KANSL1L: variants seen among roughly 807,000 people sequenced by gnomAD.
The protein encoded by KANSL1L is KAT8 regulatory NSL complex subunit 1 like.
KANSL1L carries 25 observed loss-of-function variants against 108.6 expected under a neutral mutation model. The ratio of observed to expected loss-of-function variants is 0.23; its 90% CI spans 0.17 to 0.32. The LOEUF (loss-of-function observed/expected upper bound fraction) is 0.32. KANSL1L is among the 10% of genes least tolerant of loss of function. KANSL1L has a pLI of 1.00. For missense variants in KANSL1L, 1,137 were observed against 1,125.7 expected (o/e 1.01, Z -0.14); for synonymous variants, 405 against 395.1 (o/e 1.03, Z -0.30).
intron 6 of KANSL1L, among the ~76,000 whole-genome samples, chr2:210,062,687 C>T (rs1490835782): frequency 1.3e-5 from 2 of 152,026 alleles, no homozygotes; most frequent in East Asian, 3.9e-4. Flanking sequence ...GCATTTTGTC[C>T]CTGCCCTAGA....
Position 210,129,153 on chromosome 2 carries a change from T to C in KANSL1L, c.1108A>G (p.Lys370Glu). 3.1e-6 allele frequency: 5 copies of C among 1,613,806 alleles called. No individual in the cohort carries two copies. The highest frequency in any genetic ancestry group is 3.4e-6 in the Non-Finnish European group (4 of 1,179,794). The change falls in exon 3 of 15, where the codon AAG (lysine) becomes GAG (glutamate). Residue 370 changes from lysine to glutamate, a missense_variant. Lys to Glu is a moderately conservative substitution (Grantham distance 56). Around this residue, in one of 3 missense-constraint regions of KANSL1L, gnomAD observed 556 missense variants for 537.7 expected, o/e 1.03. Coordinates refer to ENST00000281772, the MANE Select transcript of KANSL1L (RefSeq NM_152519.4). ...ACTCGTGCTCTGTCTACAAGCCACT[T>C]CCATTCAGTACTACAGTTACTGTGA... ...NVAVNCSTEW[K>E]WLVDRARVGS...
At chr2:210,060,319 T>C (rs988081386) in intron 6 of KANSL1L, among the ~76,000 whole-genome samples, 4 of 152,180 alleles carry the variant, frequency 2.6e-5, no homozygotes, top group East Asian at 1.9e-4. Context: ...AAATCTGCCA[T>C]AGGAGACAGA....
rs562722426 is a variant in KANSL1L, at chr2:210,162,070, A to T, written c.-29-7459T>A. On this transcript the variant is annotated intron_variant, in intron 1 of 14. Coordinates refer to ENST00000281772, the MANE Select transcript of KANSL1L (RefSeq NM_152519.4). ...TGAGACCCTGTCTCTATTTAAAAAA[A>T]AAAAAAATATATATATATACACACA... Among the ~76,000 whole-genome samples the T allele has an allele frequency of 4.8e-3, 675 of 141,094 alleles. 3 individuals are homozygous for T. Among genetic ancestry groups the T allele is most frequent in the East Asian group, 0.014 (67 of 4,882 alleles). 92.6% of individuals were successfully genotyped at this position (141,094 alleles called of 152,430 possible). A position where few individuals can be genotyped will look rare whatever the true frequency, so the allele number is the denominator to read the frequency against.
chr2:210,067,851 T>A (rs1480019755), intron 6 of KANSL1L, among the ~76,000 whole-genome samples: 2 of 151,954 alleles, frequency 1.3e-5, no homozygotes, highest in Non-Finnish European at 1.5e-5. Context: ...TCTGTTCAAG[T>A]CTTATGCATA....
In KANSL1L at chr2:210,022,681, C is replaced by T. The variant is rs1575337287; in HGVS notation, c.*268G>A. On this transcript the variant is annotated 3_prime_UTR_variant, in exon 15 of 15. Coordinates refer to ENST00000281772, the MANE Select transcript of KANSL1L (RefSeq NM_152519.4). ...AAAATTACCCAGTAATGTGATTTGA[C>T]ATCAAGTTGCAGCAATTAATATCTT... 9.9e-6 allele frequency: 4 copies of T among 403,878 alleles called. No individual in the cohort carries two copies. In the East Asian group the frequency reaches 2.0e-4, roughly 21 times the overall value. The allele number at this position is 403,878 out of a possible 1,614,324, so 25.0% of individuals were successfully genotyped here. A position where few individuals can be genotyped will look rare whatever the true frequency, so the allele number is the denominator to read the frequency against.
At chr2:210,042,279 T>C (rs182602068) in intron 7 of KANSL1L, among the ~76,000 whole-genome samples, 51 of 152,364 alleles carry the variant, frequency 3.3e-4, no homozygotes, top group Admixed American at 1.2e-3. Flanking sequence ...TTTGTATTTA[T>C]ACTCCTAGCA....
At chr2:210,069,854 A>T (rs1337728945) in intron 6 of KANSL1L, among the ~76,000 whole-genome samples, 1 of 91,562 alleles carries the variant, frequency 1.1e-5, no homozygotes, top group Non-Finnish European at 1.9e-5. Context: ...TTTGAGACAG[A>T]GTCTCACTCT....
chr2:210,080,778 GT>G (rs1403996140), intron 5 of KANSL1L, among the ~76,000 whole-genome samples: 2 of 151,936 alleles, frequency 1.3e-5, no homozygotes, highest in Non-Finnish European at 2.9e-5. Context: ...AGCCCCTTTT[GT>G]GGTCTTAGAC....
At chr2:210,146,902 C>T (rs922742542) in intron 2 of KANSL1L, among the ~76,000 whole-genome samples, 1 of 151,968 alleles carries the variant, frequency 6.6e-6, no homozygotes, top group Non-Finnish European at 1.5e-5. Flanking sequence ...CTTTTCGTTA[C>T]GTGGATGTTG....
intron 3 of KANSL1L, among the ~76,000 whole-genome samples, chr2:210,114,301 A>C (rs914240770): frequency 6.6e-6 from 1 of 152,096 alleles, no homozygotes; most frequent in African/African-American, 2.4e-5. Flanking sequence ...AAAGAAAACA[A>C]GACAAAATAA....
intron 8 of KANSL1L, among the ~76,000 whole-genome samples, chr2:210,033,695 A>ATTTTTTTTTTTTT (rs10679778): frequency 2.3e-5 from 3 of 133,012 alleles, no homozygotes; most frequent in Non-Finnish European, 3.2e-5. Flanking sequence ...ACGCCCGGCT[A>ATTTTTTTTTTTTT]TTTTTTTTTT....
At position 210,117,309 on chromosome 2, in the gene KANSL1L, G is replaced by C. The variant is rs541158511; in HGVS notation, c.1230+11722C>G. On this transcript the variant is annotated intron_variant, in intron 3 of 14. Coordinates refer to ENST00000281772, the MANE Select transcript of KANSL1L (RefSeq NM_152519.4). Reference sequence around the variant, plus strand: ...TGGCCTTTAAGGGGAGGAAGAGAAAGAGATCAGCGTAGAAAGTATATTCAA... The same window carrying C: ...TGGCCTTTAAGGGGAGGAAGAGAAACAGATCAGCGTAGAAAGTATATTCAA... Among the ~76,000 whole-genome samples, 16 of 152,266 alleles carry C rather than the reference G, an allele frequency of 1.1e-4. No homozygotes were observed. In the South Asian group the frequency reaches 3.1e-3, roughly 30 times the overall value.
chr2:210,126,796 CA>C (rs1282385312), intron 3 of KANSL1L, among the ~76,000 whole-genome samples: 1 of 152,056 alleles, frequency 6.6e-6, no homozygotes, highest in African/African-American at 2.4e-5. Flanking sequence ...CCAGCCTTGG[CA>C]ACATACTGAG....
At chr2:210,170,958 C>T (rs1221721921) in intron 1 of KANSL1L, among the ~76,000 whole-genome samples, 191 bp downstream of exon 1, 2 of 152,074 alleles carry the variant, frequency 1.3e-5, no homozygotes, top group Admixed American at 1.3e-4. Flanking sequence ...GTCAGACCCC[C>T]GCCCTAGAGC....
chr2:210,118,234 C>T (rs1172167205), intron 3 of KANSL1L, among the ~76,000 whole-genome samples: 8 of 150,082 alleles, frequency 5.3e-5, no homozygotes, highest in Non-Finnish European at 8.9e-5. Flanking sequence ...TTTGGGAGGC[C>T]GAGGCGGGTG....
chr2:210,063,936 G>C (rs1575455893), intron 6 of KANSL1L: 1 of 152,252 alleles, frequency 6.6e-6, no homozygotes, highest in East Asian at 1.9e-4. Flanking sequence ...GAGGGGTTGG[G>C]GTGGAATGAT....
chr2:210,065,596 T>C (rs1457269664), intron 6 of KANSL1L, among the ~76,000 whole-genome samples: 1 of 147,868 alleles, frequency 6.8e-6, no homozygotes, highest in Non-Finnish European at 1.5e-5. Flanking sequence ...TTTTTTTTTT[T>C]TTTTTTTGAT....
At chr2:210,123,304 TAAAGAA>T (rs1415814484) in intron 3 of KANSL1L, among the ~76,000 whole-genome samples, 1 of 151,978 alleles carries the variant, frequency 6.6e-6, no homozygotes, top group Non-Finnish European at 1.5e-5. Flanking sequence ...GACAAATGGA[TAAAGAA>T]AATGTTGTAC....
intron 6 of KANSL1L, among the ~76,000 whole-genome samples, chr2:210,058,737 T>TG (rs1030710721): frequency 6.6e-6 from 1 of 150,980 alleles, no homozygotes; most frequent in African/African-American, 2.4e-5. Flanking sequence ...CTCGGGAGGT[T>TG]GAGGCAGGAG....
Sources: allele counts gnomAD v4.1 joint callset (sites outside exome capture counted in the v4.1 genomes callset), GRCh38; gene constraint gnomAD v4.1.1; regional missense constraint gnomAD v4.1.1; transcripts MANE v1.5; gene names NCBI Gene and HGNC (gene_info 2026-07-23, HGNC 2026-07-21).